CBLB: variants seen among roughly 807,000 people sequenced by gnomAD.
The protein encoded by CBLB is E3 ubiquitin-protein ligase CBL-B.
A neutral mutation model predicts 104.9 loss-of-function variants in CBLB; 31 were observed. That is an observed-to-expected ratio of 0.30 (90% CI 0.22 to 0.40). The LOEUF (loss-of-function observed/expected upper bound fraction) is 0.40, where lower values mean the gene tolerates loss of function less well. CBLB is among the 10% of genes least tolerant of loss of function. CBLB has a pLI of 1.00. For synonymous variants in CBLB, 440 were observed against 422.6 expected, an observed-to-expected ratio of 1.04 and a Z score of -0.51; for missense variants, 1,062 against 1,214.6, an observed-to-expected ratio of 0.87 and a Z score of 1.87.
chr3:105,735,404 T>C (rs62261462), intron 8 of CBLB, among the ~76,000 whole-genome samples: 10,191 of 152,274 alleles, frequency 0.067, 500 homozygotes, highest in Admixed American at 0.15. Flanking sequence ...ATACTGGTTA[T>C]GACTGTCCAA....
At chr3:105,675,793 G>A (rs2065561737) in intron 17 of CBLB, among the ~76,000 whole-genome samples, 1 of 149,744 alleles carries the variant, frequency 6.7e-6, no homozygotes, top group Non-Finnish European at 1.5e-5. Context: ...GTAGAGGCAG[G>A]AGAATCACTT....
intron 10 of CBLB, among the ~76,000 whole-genome samples, chr3:105,707,852 T>C (rs779280516): frequency 9.7e-4 from 146 of 150,840 alleles, no homozygotes; most frequent in Non-Finnish European, 1.9e-3. Context: ...TTTTTATCCT[T>C]CTGAAAATAA....
At chr3:105,774,173 G>C (rs770350078) in intron 4 of CBLB, among the ~76,000 whole-genome samples, 1 of 152,056 alleles carries the variant, frequency 6.6e-6, no homozygotes, top group Admixed American at 6.5e-5. Context: ...TGGGCTAAAT[G>C]AAAGCATTCT....
At chr3:105,861,778 C>T (rs1237458669) in intron 2 of CBLB, among the ~76,000 whole-genome samples, 1 of 151,726 alleles carries the variant, frequency 6.6e-6, no homozygotes, top group Non-Finnish European at 1.5e-5. Context: ...AACTCCCTTC[C>T]TTTTCATTGT....
chr3:105,716,914 A>G (rs1246209274), intron 10 of CBLB, among the ~76,000 whole-genome samples: 1 of 152,178 alleles, frequency 6.6e-6, no homozygotes, highest in Non-Finnish European at 1.5e-5. Flanking sequence ...CTCCCTTGAC[A>G]GAAAGCTCAC....
Position 105,751,524 on chromosome 3 carries a change from C to A in CBLB, c.661G>T (p.Asp221Tyr). Residue 221 changes from aspartate (D) to tyrosine (Y), a missense_variant, in exon 5 of 19, where the codon GAT (aspartate) becomes TAT (tyrosine). Transcript: ENST00000394030. ...LEAMALKSTI[D>Y]LTCNDYISVF... is the part of the protein sequence containing the mutation. ...GAAATGTAATCATTGCAAGTTAAAT[C>A]AATTGTTGATTTTAGAGCCATTGCT... is the stretch of plus-strand genomic sequence containing the variant. 6.2e-7 allele frequency: 1 copy of A among 1,611,106 alleles called. No homozygotes were observed. The highest frequency in any genetic ancestry group is 1.1e-5 in the South Asian group (1 of 90,998).
At chr3:105,729,055 T>C (rs895210228) in intron 9 of CBLB, among the ~76,000 whole-genome samples, 1 of 152,074 alleles carries the variant, frequency 6.6e-6, no homozygotes, top group African/African-American at 2.4e-5. Flanking sequence ...ATGGTCAGGG[T>C]TTAATATTTC....
intron 6 of CBLB, among the ~76,000 whole-genome samples, chr3:105,743,986 A>G (rs2075868534): frequency 6.6e-6 from 1 of 152,040 alleles, no homozygotes; most frequent in Non-Finnish European, 1.5e-5. Flanking sequence ...TTTTTAAGGT[A>G]TGACTGATAT....
intron 14 of CBLB, 93 bp from the exon 15 acceptor site, chr3:105,681,911 T>C (rs2066367570): frequency 1.3e-6 from 1 of 757,534 alleles, no homozygotes. Flanking sequence ...TCCTGTTTAT[T>C]TAATAAAGTT....
intron 3 of CBLB, among the ~76,000 whole-genome samples, chr3:105,798,612 C>G (rs1034722740): frequency 6.6e-6 from 1 of 152,120 alleles, no homozygotes; most frequent in Non-Finnish European, 1.5e-5. Flanking sequence ...GGTGGTAAGA[C>G]AGGATGAATG....
chr3:105,670,284 C>T lies in CBLB; in HGVS notation c.2638G>A (p.Val880Ile). Reference protein sequence around the residue: ...PPARRLPGENVKTNRTSQDYD... With the variant: ...PPARRLPGENIKTNRTSQDYD... ...TCCTGTGATGTTCTGTTAGTTTTGACATTTTCACCTGGTAACCTTCTAGCA... is the reference window on the plus strand; with the variant it reads ...TCCTGTGATGTTCTGTTAGTTTTGATATTTTCACCTGGTAACCTTCTAGCA... The change falls in exon 18 of 19, where the codon GTC becomes ATC. Residue 880 changes from valine (V) to isoleucine (I), a missense_variant. Physicochemically the swap from Val to Ile is conservative, Grantham distance 29 (BLOSUM62 3). This residue lies in a region of CBLB where 605 missense variants were observed against 582.6 expected (regional missense o/e 1.04). Coordinates refer to ENST00000394030, the MANE Select transcript of CBLB (RefSeq NM_170662.5). 6.2e-7 allele frequency: 1 copy of T among 1,612,856 alleles called. No homozygotes were observed. Among genetic ancestry groups the T allele is most frequent in the Middle Eastern group, 1.7e-4 (1 of 6,058 alleles).
Position 105,745,988 on chromosome 3 carries a change from T to C in CBLB, c.774A>G (p.Pro258=), listed in dbSNP as rs1560062945. 1 of 1,610,356 alleles carries C rather than the reference T, an allele frequency of 6.2e-7. No individual in the cohort carries two copies. The highest frequency in any genetic ancestry group is 8.5e-7 in the Non-Finnish European group (1 of 1,176,728). Residue 258 remains proline, a synonymous_variant, in exon 6 of 19, where the codon CCA becomes CCG. Coordinates refer to ENST00000394030, the MANE Select transcript of CBLB (RefSeq NM_170662.5). ...RNWNFLAVTH[P]GYMAFLTYDE... ...CATATGTGAGAAATGCCATGTAACC[T>C]GGATGTGTCACAGCTAAGAAATTCC...
chr3:105,811,580 A>G (rs1048735584), intron 3 of CBLB, among the ~76,000 whole-genome samples: 1 of 152,248 alleles, frequency 6.6e-6, no homozygotes, highest in African/African-American at 2.4e-5. Flanking sequence ...ATTGTGCTAC[A>G]GACGTTAACA....
rs962511893 is a variant in CBLB at position 105,657,428 on chromosome 3, C to A, written c.*1542G>T. On this transcript the variant is annotated 3_prime_UTR_variant, in exon 19 of 19. Transcript: ENST00000394030. ...CATTTACACAGAGATGATTTTATCT[C>A]ATTTCTCCATTAATTTCCCATTTGA... The A allele has an allele frequency of 4.7e-6, 1 of 212,290 alleles. No homozygotes were observed. Among genetic ancestry groups the A allele is most frequent in the African/African-American group, 2.3e-5 (1 of 44,188 alleles). 13.2% of individuals were successfully genotyped at this position (212,290 alleles called of 1,614,324 possible). A position where few individuals can be genotyped will look rare whatever the true frequency, so the allele number is the denominator to read the frequency against.
chr3:105,764,249 T>TA (rs76787154), intron 4 of CBLB, among the ~76,000 whole-genome samples: 10,442 of 152,092 alleles, frequency 0.069, 523 homozygotes, highest in Admixed American at 0.15. Flanking sequence ...TTTCAGATAT[T>TA]AAAAAATCAA....
chr3:105,812,025 G>GT (rs1381027923), intron 3 of CBLB, among the ~76,000 whole-genome samples: 3 of 151,310 alleles, frequency 2.0e-5, no homozygotes, highest in African/African-American at 7.3e-5. Context: ...TTTTTGTTTT[G>GT]TTTTTTTAAA....
intron 18 of CBLB, among the ~76,000 whole-genome samples, chr3:105,665,046 G>A (rs1165732927): frequency 6.6e-6 from 1 of 152,090 alleles, no homozygotes; most frequent in Non-Finnish European, 1.5e-5. Flanking sequence ...ACTTTCTGCA[G>A]CAGCTTGAGT....
chr3:105,703,409 A>T (rs1242049897), intron 11 of CBLB, among the ~76,000 whole-genome samples: 2 of 152,222 alleles, frequency 1.3e-5, no homozygotes, highest in Non-Finnish European at 2.9e-5. Context: ...CGAGGAAAAA[A>T]TCCACACAGT....
At chr3:105,778,128 C>T (rs2079703456) in intron 3 of CBLB, among the ~76,000 whole-genome samples, 1 of 151,096 alleles carries the variant, frequency 6.6e-6, no homozygotes, top group South Asian at 2.1e-4. Context: ...TGTGTGTGTG[C>T]ATGTGTGTGT....
Sources: allele counts gnomAD v4.1 joint callset (sites outside exome capture counted in the v4.1 genomes callset), GRCh38; gene constraint gnomAD v4.1.1; regional missense constraint gnomAD v4.1.1; transcripts MANE v1.5; gene names NCBI Gene and HGNC (gene_info 2026-07-23, HGNC 2026-07-21).